The following TSN variants were observed in gnomAD, a reference collection of about 807,000 sequenced individuals.
TSN encodes the protein translin.
TSN carries 5 observed loss-of-function variants against 29.4 expected under a neutral mutation model. The ratio of observed to expected loss-of-function variants is 0.17; its 90% CI spans 0.09 to 0.36. The LOEUF (loss-of-function observed/expected upper bound fraction) is 0.36. TSN is among the 10% of genes least tolerant of loss of function. TSN has a pLI of 1.00. For synonymous variants in TSN, 106 were observed against 102.2 expected, an observed-to-expected ratio of 1.04 and a Z score of -0.23; for missense variants, 159 against 272.8, an observed-to-expected ratio of 0.58 and a Z score of 2.94.
In TSN at chr2:121,763,023, A is replaced by G. The variant is rs745655949; in HGVS notation, c.392A>G (p.Lys131Arg). 3 of 1,610,256 alleles carry G rather than the reference A, an allele frequency of 1.9e-6. No homozygotes were observed. In the South Asian group the frequency reaches 3.3e-5, roughly 18 times the overall value. ...EILGIEPDRE[K>R]GFHLDVEDYL... ...TTTTTAGTTGAGCCAGATCGGGAGA[A>G]AGGATTTCATCTGGATGTAGAAGAT... The change falls in exon 5 of 6, where the codon AAA (lysine) becomes AGA (arginine). Residue 131 changes from lysine to arginine, a missense_variant. Lys to Arg is a conservative substitution (Grantham distance 26, BLOSUM62 2). Transcript: ENST00000389682.
chr2:121,756,908 CAAA>C (rs548676853), intron 1 of TSN, among the ~76,000 whole-genome samples: 7 of 63,874 alleles, frequency 1.1e-4, no homozygotes, highest in Admixed American at 3.6e-4. Flanking sequence ...GACTCCGTCT[CAAA>C]AAAAAAAAAA....
intron 5 of TSN, 93 bp from the exon 6 acceptor site, chr2:121,765,041 A>C: frequency 8.6e-7 from 1 of 1,163,288 alleles, no homozygotes; most frequent in Non-Finnish European, 1.3e-6. Flanking sequence ...GTGGCTGTCT[A>C]GGCTTGCGGT....
Position 121,757,348 on chromosome 2 carries a change from T to C in TSN, c.160+15T>C, listed in dbSNP as rs768548096. 6.2e-7 allele frequency: 1 copy of C among 1,613,878 alleles called. No individual in the cohort carries two copies. The highest frequency in any genetic ancestry group is 1.7e-5 in the Admixed American group (1 of 59,998). ...GTTTCAGGACAGTAAGTTCTTTGTT[T>C]TGTATCCAATTATCAGTCTCTTATT... is the stretch of plus-strand genomic sequence containing the variant. On this transcript the variant is annotated intron_variant, in intron 2 of 5. Transcript: ENST00000389682.
intron 4 of TSN, among the ~76,000 whole-genome samples, chr2:121,762,507 A>G (rs1359169453): frequency 6.6e-6 from 1 of 152,240 alleles, no homozygotes; most frequent in Non-Finnish European, 1.5e-5. Context: ...TAAAAATAAC[A>G]ATGGCAAACA....
At position 121,757,215 on chromosome 2, in the gene TSN, G is replaced by T. The variant is rs373815840; in HGVS notation, c.67-25G>T. Reference sequence around the variant, plus strand: ...ATGACAATGATTCTGTTGAGTATCTGATTTTTATTTTTAATTCTCTCTAGG... The same window carrying T: ...ATGACAATGATTCTGTTGAGTATCTTATTTTTATTTTTAATTCTCTCTAGG... On this transcript the variant is annotated intron_variant, in intron 1 of 5. Coordinates refer to ENST00000389682, the MANE Select transcript of TSN (RefSeq NM_004622.3). The T allele has an allele frequency of 3.7e-6, 6 of 1,605,142 alleles. No homozygotes were observed. In the African/African-American group the frequency reaches 8.0e-5, roughly 21 times the overall value.
chr2:121,762,106 C>T (rs2074839380), intron 4 of TSN, among the ~76,000 whole-genome samples: 1 of 152,100 alleles, frequency 6.6e-6, no homozygotes. Flanking sequence ...ATTTCTCCTA[C>T]CTCAGCCTCC....
Position 121,765,361 on chromosome 2 carries a change from A to G in TSN, c.681A>G (p.Glu227=). ...AGGAGACGGCAGCAGCTTGTGTTGA[A>G]AAATAGGAGGCTCTCCTTGCTCCTG... The part of the protein sequence containing the change: ...FNKETAAACV[E]K The change falls in exon 6 of 6, where the codon GAA becomes GAG. Residue 227 remains glutamate, a synonymous_variant. Coordinates refer to ENST00000389682, the MANE Select transcript of TSN (RefSeq NM_004622.3). The G allele has an allele frequency of 6.2e-7, 1 of 1,614,080 alleles. No homozygotes were observed. The highest frequency in any genetic ancestry group is 8.5e-7 in the Non-Finnish European group (1 of 1,179,948).
At chr2:121,763,371 T>G (rs1257953348) in intron 5 of TSN, among the ~76,000 whole-genome samples, 2 of 152,164 alleles carry the variant, frequency 1.3e-5, no homozygotes, top group South Asian at 2.1e-4. Context: ...GGTCTCGATC[T>G]CCTGACCTCG....
In TSN at chr2:121,765,279, A is replaced by G. The variant is rs781351106; in HGVS notation, c.599A>G (p.Tyr200Cys). 1 of 1,614,232 alleles carries G rather than the reference A, an allele frequency of 6.2e-7. No individual in the cohort carries two copies. Among genetic ancestry groups the G allele is most frequent in the Non-Finnish European group, 8.5e-7 (1 of 1,180,038 alleles). ...AGGAAGCGCTACGACGGATTGAAAT[A>G]TGACGTGAAGAAAGTAGAGGAAGTG... ...SLRKRYDGLKYDVKKVEEVVY... is the reference protein window; with the variant it reads ...SLRKRYDGLKCDVKKVEEVVY... Residue 200 changes from tyrosine to cysteine, a missense_variant, in exon 6 of 6, where the codon TAT (tyrosine) becomes TGT (cysteine). By Grantham distance (194) the Tyr-to-Cys change is radical. Transcript: ENST00000389682.
At chr2:121,763,109 C>CT in intron 5 of TSN, 25 bp downstream of exon 5, 1 of 1,171,056 alleles carries the variant, frequency 8.5e-7, no homozygotes, top group Non-Finnish European at 1.2e-6. Flanking sequence ...TTGCTGGTTG[C>CT]TTTTTTGATC....
chr2:121,765,046 T>C, intron 5 of TSN, 88 bp from the exon 6 acceptor site: 2 of 1,236,648 alleles, frequency 1.6e-6, no homozygotes, highest in South Asian at 1.3e-5. Context: ...TGTCTAGGCT[T>C]GCGGTTCTTC....
chr2:121,757,607 C>G (rs2074768681), intron 2 of TSN: 1 of 470,232 alleles, frequency 2.1e-6, no homozygotes, highest in African/African-American at 2.0e-5. Flanking sequence ...AGCTCTCTGC[C>G]AGCACAGTAT....
chr2:121,765,069 A>G (rs1357472455), intron 5 of TSN, 65 bp from the exon 6 acceptor site: 3 of 1,488,712 alleles, frequency 2.0e-6, no homozygotes, highest in Non-Finnish European at 1.9e-6. Context: ...GTTGTGATTC[A>G]GAGGAAGATG....
At chr2:121,763,580 C>G (rs146296940) in intron 5 of TSN, among the ~76,000 whole-genome samples, 130 of 152,318 alleles carry the variant, frequency 8.5e-4, no homozygotes, top group African/African-American at 3.0e-3. Context: ...AAAGCCAGAT[C>G]AAATGATGAG....
At position 121,755,689 on chromosome 2, in the gene TSN, C is replaced by T. The variant is rs749498736; in HGVS notation, c.-91C>T. 46 of 1,531,312 alleles carry T rather than the reference C, an allele frequency of 3.0e-5. No homozygotes were observed. Among genetic ancestry groups the T allele is most frequent in the Non-Finnish European group, 3.7e-5 (41 of 1,120,404 alleles). 94.9% of individuals were successfully genotyped at this position (1,531,312 alleles called of 1,614,324 possible). ...GACCGGGGGGACGCGGCGGTAGCGG[C>T]GGCCGTTGCGATTGATTGCGCTGGT... On this transcript the variant is annotated 5_prime_UTR_variant, in exon 1 of 6. Transcript: ENST00000389682.
At chr2:121,758,147 A>T (rs923589373) in intron 2 of TSN, among the ~76,000 whole-genome samples, 5 of 152,212 alleles carry the variant, frequency 3.3e-5, no homozygotes, top group Non-Finnish European at 7.3e-5. Context: ...ATGTGTTTAT[A>T]ATCAGCCTCT....
At chr2:121,758,935 A>G in intron 3 of TSN, 129 bp downstream of exon 3, 1 of 535,088 alleles carries the variant, frequency 1.9e-6, no homozygotes, top group African/African-American at 2.0e-5. Flanking sequence ...AAAAAACCGA[A>G]CTAATAATGG....
In TSN at chr2:121,765,202, C is replaced by T; in HGVS notation, c.522C>T (p.Ile174=). 1.2e-6 allele frequency: 2 copies of T among 1,614,244 alleles called. No individual in the cohort carries two copies. Among genetic ancestry groups the T allele is most frequent in the Non-Finnish European group, 1.7e-6 (2 of 1,180,056 alleles). Reference sequence around the variant, plus strand: ...GACCCCTCCACATCTCCACCTTCATCAATGAGCTGGATTCCGGTTTTCGCC... The same window carrying T: ...GACCCCTCCACATCTCCACCTTCATTAATGAGCTGGATTCCGGTTTTCGCC... The part of the protein sequence containing the change: ...YSRPLHISTF[I]NELDSGFRLL... The change falls in exon 6 of 6, where the codon ATC becomes ATT. Residue 174 remains isoleucine, a synonymous_variant. Transcript: ENST00000389682.
intron 3 of TSN, among the ~76,000 whole-genome samples, chr2:121,759,769 A>G (rs1233023772): frequency 6.6e-6 from 1 of 152,210 alleles, no homozygotes; most frequent in Admixed American, 6.5e-5. Flanking sequence ...AGTAAATAGG[A>G]TGAGTATTTT....
Sources: gnomAD v4.1 joint callset for allele counts (sites outside exome capture counted in the v4.1 genomes callset) on GRCh38, gnomAD v4.1.1 for gene constraint, MANE v1.5 for transcripts, NCBI Gene and HGNC (gene_info 2026-07-23, HGNC 2026-07-21) for gene names.